Variants in WDPCP observed in about 807,000 individuals in gnomAD.
The protein encoded by WDPCP is WD repeat-containing and planar cell polarity effector protein fritz homolog.
A neutral mutation model predicts 93.1 loss-of-function variants in WDPCP; 71 were observed. The observed-to-expected ratio is 0.76, with a 90% CI of 0.63 to 0.93. WDPCP has a LOEUF of 0.93. Ranked by LOEUF, WDPCP falls within the 40% of genes least tolerant of loss-of-function variation. The pLI, the probability that WDPCP is intolerant of heterozygous loss-of-function variation, is 0.00. For synonymous variants in WDPCP, 315 were observed against 315.0 expected (o/e 1.00, Z 0.00); for missense variants, 844 against 887.4 (o/e 0.95, Z 0.62).
chr2:63,608,884 T>C (rs1356058135), intron 3 of WDPCP, among the ~76,000 whole-genome samples: 1 of 152,188 alleles, frequency 6.6e-6, no homozygotes, highest in African/African-American at 2.4e-5. Flanking sequence ...AAACTACCTT[T>C]AGGACTACTA....
intron 1 of WDPCP, among the ~76,000 whole-genome samples, chr2:63,578,296 CGAAAATA>C (rs1708251555): frequency 6.6e-6 from 1 of 152,004 alleles, no homozygotes; most frequent in South Asian, 2.1e-4. Context: ...ATTAGTATCC[CGAAAATA>C]ACTCAAAAAG....
intron 1 of WDPCP, among the ~76,000 whole-genome samples, chr2:63,557,983 G>T (rs921102926): frequency 6.6e-6 from 1 of 152,048 alleles, no homozygotes; most frequent in Non-Finnish European, 1.5e-5. Flanking sequence ...AATCTCTGGG[G>T]CACAGCTGAA....
intron 1 of WDPCP, among the ~76,000 whole-genome samples, chr2:63,824,575 AG>A (rs1314751449): frequency 1.0e-4 from 15 of 150,346 alleles, no homozygotes; most frequent in African/African-American, 3.2e-4. Context: ...AGGAAAAGGA[AG>A]GGTTGTTCAA....
chr2:63,172,863 A>C (rs1298186144), intron 15 of WDPCP, among the ~76,000 whole-genome samples: 1 of 152,174 alleles, frequency 6.6e-6, no homozygotes, highest in Non-Finnish European at 1.5e-5. Context: ...AAAAGGCAGA[A>C]AGAGAGGGGC....
At chr2:63,769,436 A>T (rs553225691) in intron 2 of WDPCP, among the ~76,000 whole-genome samples, 13 of 152,096 alleles carry the variant, frequency 8.5e-5, no homozygotes, top group African/African-American at 3.1e-4. Flanking sequence ...GTAGCAGCTA[A>T]AATATTTGAC....
intron 2 of WDPCP, among the ~76,000 whole-genome samples, chr2:63,800,912 G>A (rs189244571): frequency 1.3e-5 from 2 of 152,194 alleles, no homozygotes; most frequent in East Asian, 1.9e-4. Context: ...AAATTAGCCA[G>A]GCATGGTGGT....
chr2:63,526,894 T>C (rs1328091675), intron 1 of WDPCP, among the ~76,000 whole-genome samples: 2 of 152,206 alleles, frequency 1.3e-5, no homozygotes, highest in African/African-American at 4.8e-5. Context: ...GCATGCCACA[T>C]AAATTTGCTC....
At chr2:63,144,779 T>G (rs933576461) in intron 17 of WDPCP, among the ~76,000 whole-genome samples, 1 of 152,196 alleles carries the variant, frequency 6.6e-6, no homozygotes, top group Non-Finnish European at 1.5e-5. Flanking sequence ...TCTTCTTGAT[T>G]TGGATCCACT....
chr2:63,247,177 G>C (rs879646868), intron 14 of WDPCP, among the ~76,000 whole-genome samples: 4 of 152,138 alleles, frequency 2.6e-5, no homozygotes, highest in Non-Finnish European at 5.9e-5. Context: ...TGCTGCTGCT[G>C]TTTTTCTCAC....
At chr2:63,272,068 G>A (rs193258744) in intron 13 of WDPCP, among the ~76,000 whole-genome samples, 106 of 152,194 alleles carry the variant, frequency 7.0e-4, no homozygotes, top group African/African-American at 2.3e-3. Flanking sequence ...ACCAGTGCCC[G>A]CATATGTCAC....
intron 2 of WDPCP, among the ~76,000 whole-genome samples, chr2:63,786,913 T>C (rs1342932911): frequency 1.3e-5 from 2 of 152,218 alleles, no homozygotes; most frequent in Non-Finnish European, 2.9e-5. Flanking sequence ...GTATTCCAAG[T>C]GCCTCAAATA....
chr2:63,514,691 C>A (rs1016117340), intron 1 of WDPCP, among the ~76,000 whole-genome samples: 1 of 152,012 alleles, frequency 6.6e-6, no homozygotes, highest in Admixed American at 6.6e-5. Context: ...AGACGTTAAA[C>A]ACCTAAATAC....
At chr2:63,641,959 G>A (rs986472586) in intron 3 of WDPCP, among the ~76,000 whole-genome samples, 1 of 152,024 alleles carries the variant, frequency 6.6e-6, no homozygotes, top group Non-Finnish European at 1.5e-5. Context: ...ACTTTTATTT[G>A]ATTTTTGTTT....
chr2:63,306,893 G>A (rs1685785700), intron 13 of WDPCP, among the ~76,000 whole-genome samples: 1 of 152,178 alleles, frequency 6.6e-6, no homozygotes, highest in Non-Finnish European at 1.5e-5. Context: ...TCTGGCCAGG[G>A]CAATCAGGCA....
intron 14 of WDPCP, among the ~76,000 whole-genome samples, chr2:63,218,366 A>C (rs1181412280): frequency 6.6e-6 from 1 of 152,164 alleles, no homozygotes; most frequent in Admixed American, 6.5e-5. Context: ...AAGTCAAACT[A>C]ATATTTGTTT....
At chr2:63,557,010 T>TA (rs1278624925) in intron 1 of WDPCP, among the ~76,000 whole-genome samples, 1 of 152,146 alleles carries the variant, frequency 6.6e-6, no homozygotes, top group Admixed American at 6.5e-5. Context: ...CAAGAGCTCC[T>TA]AAAGGAAGCA....
chr2:63,303,254 T>C (rs1411322009), intron 13 of WDPCP, among the ~76,000 whole-genome samples: 1 of 152,164 alleles, frequency 6.6e-6, no homozygotes, highest in Non-Finnish European at 1.5e-5. Flanking sequence ...GTGGCCCTCC[T>C]TCTTGACTAA....
intron 13 of WDPCP, among the ~76,000 whole-genome samples, chr2:63,288,059 A>G (rs1460724457): frequency 1.3e-5 from 2 of 152,240 alleles, no homozygotes. Context: ...TCCTACAAAA[A>G]TCATGCCAAT....
At chr2:63,250,979 C>T (rs868655409) in intron 14 of WDPCP, among the ~76,000 whole-genome samples, 3 of 152,178 alleles carry the variant, frequency 2.0e-5, no homozygotes, top group South Asian at 2.1e-4. Context: ...AAAAAGATCT[C>T]TCCAAAGTTT....
Sources: allele counts gnomAD v4.1 joint callset (sites outside exome capture counted in the v4.1 genomes callset), GRCh38; gene constraint gnomAD v4.1.1; transcripts MANE v1.5; gene names NCBI Gene and HGNC (gene_info 2026-07-23, HGNC 2026-07-21).